The following PPDPFL variants were observed in gnomAD, a reference collection of about 807,000 sequenced individuals.
PPDPFL encodes the protein pancreatic progenitor cell differentiation and proliferation factor-like protein.
Under a neutral mutation model 12.6 loss-of-function variants are expected in PPDPFL, and 12 were observed. That is an observed-to-expected ratio of 0.95 (90% CI 0.61 to 1.54). PPDPFL has a LOEUF of 1.54. Ranked by LOEUF, PPDPFL falls within the 40% of genes most tolerant of loss-of-function variation. The pLI, the probability that PPDPFL is intolerant of heterozygous loss-of-function variation, is 0.00. For synonymous variants in PPDPFL, 24 were observed against 32.7 expected (o/e 0.73, Z 0.91); for missense variants, 114 against 96.0 (o/e 1.19, Z -0.78).
At chr8:49,067,679 G>C (rs1043634970), upstream of PPDPFL, among the ~76,000 whole-genome samples, 1 of 152,220 alleles carries the variant, frequency 6.6e-6, no homozygotes, top group Non-Finnish European at 1.5e-5. Flanking sequence ...TATCTTACAT[G>C]TGATAAACAG....
At chr8:49,069,201 T>C (rs1808343557), upstream of PPDPFL, among the ~76,000 whole-genome samples, 1 of 152,090 alleles carries the variant, frequency 6.6e-6, no homozygotes, top group Admixed American at 6.5e-5. Context: ...TCAAAATTCA[T>C]AAAACAAAAA....
intron 1 of PPDPFL, among the ~76,000 whole-genome samples, chr8:49,062,985 C>T (rs954238762): frequency 6.6e-6 from 1 of 152,160 alleles, no homozygotes; most frequent in Non-Finnish European, 1.5e-5. Flanking sequence ...AATCATTACC[C>T]TAGTTCTTCC....
chr8:49,064,917 G>T (rs1312891732), intron 1 of PPDPFL, among the ~76,000 whole-genome samples: 1 of 152,144 alleles, frequency 6.6e-6, no homozygotes, highest in Admixed American at 6.6e-5. Context: ...TAATTCTTTG[G>T]TCTTACTGAT....
chr8:49,074,699 T>C, intron 4 of PPDPFL: 4 of 1,477,428 alleles, frequency 2.7e-6, no homozygotes, highest in Admixed American at 2.3e-5. Flanking sequence ...TAAATAACCT[T>C]AGGATAACAC....
At chr8:49,069,218 T>A (rs1295309206), upstream of PPDPFL, among the ~76,000 whole-genome samples, 2 of 152,156 alleles carry the variant, frequency 1.3e-5, no homozygotes. Flanking sequence ...AAAATCAATA[T>A]AATTAGATGA....
intron 4 of PPDPFL, 27 bp from the exon 5 acceptor site, chr8:49,075,125 T>C (rs952182644): frequency 1.2e-6 from 2 of 1,611,596 alleles, no homozygotes; most frequent in Non-Finnish European, 1.7e-6. Flanking sequence ...TATCCCCTCC[T>C]CTCTGACTAC....
At chr8:49,060,533 G>A (rs573510170) in intron 1 of PPDPFL, among the ~76,000 whole-genome samples, 12 of 152,010 alleles carry the variant, frequency 7.9e-5, no homozygotes, top group African/African-American at 1.4e-4. Flanking sequence ...GGCTGGTCTC[G>A]AACTCCTGAC....
upstream of PPDPFL, among the ~76,000 whole-genome samples, chr8:49,069,497 G>T (rs564717196): frequency 1.2e-4 from 18 of 152,298 alleles, no homozygotes; most frequent in Admixed American, 2.0e-4. Context: ...ATAGCTGCTG[G>T]CAAGGTTGCA....
chr8:49,062,906 T>A (rs1347210427), intron 1 of PPDPFL, among the ~76,000 whole-genome samples: 1 of 152,154 alleles, frequency 6.6e-6, no homozygotes. Flanking sequence ...GACCCAGAAT[T>A]TACGGAGTGA....
At chr8:49,061,427 C>T (rs989413009) in intron 1 of PPDPFL, among the ~76,000 whole-genome samples, 2 of 152,068 alleles carry the variant, frequency 1.3e-5, no homozygotes. Context: ...TTGTTTAAGT[C>T]CCCCACAGTT....
intron 1 of PPDPFL, among the ~76,000 whole-genome samples, chr8:49,058,496 T>G (rs1188248940): frequency 6.6e-6 from 1 of 152,238 alleles, no homozygotes; most frequent in Non-Finnish European, 1.5e-5. Context: ...AGATATTTAA[T>G]CAATCTTGCT....
At chr8:49,072,026 G>T (rs1808399956), upstream of PPDPFL, among the ~76,000 whole-genome samples, 1 of 152,236 alleles carries the variant, frequency 6.6e-6, no homozygotes, top group Admixed American at 6.5e-5. Flanking sequence ...TGGTGCTGCA[G>T]GTGGAGTGTG....
At position 49,054,371 on chromosome 8, in the gene PPDPFL, T is replaced by A. The variant is rs554259580; in HGVS notation, c.-45+2T>A. The A allele has an allele frequency of 6.6e-5, 10 of 152,302 alleles. No individual in the cohort carries two copies. The East Asian group carries it at 1.5e-3, about 24-fold the overall frequency. The allele number at this position is 152,302 out of a possible 1,614,324, so 9.4% of individuals were successfully genotyped here. ...TGATTCACTTCTACTTAAGGCATAG[T>A]AAATATATTTTCTCTTCCTTATGAT... On this transcript the variant is annotated splice_donor_variant, in intron 1 of 4. Transcript: ENST00000517663. LOFTEE classifies it low-confidence loss of function (5UTR_SPLICE).
In PPDPFL at chr8:49,075,426, T is replaced by G; in HGVS notation, c.*253T>G. The stretch of plus-strand genomic sequence containing the variant: ...TATAAAAAAAGTTTAGGCATTTTTC[T>G]CAACACAAAGACTATCGCTGGAAGT... On this transcript the variant is annotated 3_prime_UTR_variant, in exon 5 of 5. Coordinates refer to ENST00000522267, the MANE Select transcript of PPDPFL (RefSeq NM_001256597.2). 1.4e-6 allele frequency: 1 copy of G among 718,094 alleles called. No individual in the cohort carries two copies. The allele number at this position is 718,094 out of a possible 1,614,324, so 44.5% of individuals were successfully genotyped here.
Position 49,076,046 on chromosome 8 carries a change from A to C in PPDPFL, c.*873A>C, listed in dbSNP as rs1013504048. On this transcript the variant is annotated 3_prime_UTR_variant, in exon 5 of 5. Coordinates refer to ENST00000522267, the MANE Select transcript of PPDPFL (RefSeq NM_001256597.2). ...TATCTCCCAATTTTTCTAATATGAC[A>C]AGTATTGTGCGTAATTAGAAAATAA... is the stretch of plus-strand genomic sequence containing the variant. 1 of 152,150 alleles carries C rather than the reference A, an allele frequency of 6.6e-6. No homozygotes were observed. The highest frequency in any genetic ancestry group is 2.4e-5 in the African/African-American group (1 of 41,432). 9.4% of individuals were successfully genotyped at this position (152,150 alleles called of 1,614,324 possible). A position where few individuals can be genotyped will look rare whatever the true frequency, so the allele number is the denominator to read the frequency against.
chr8:49,065,497 A>G (rs980350842), intron 1 of PPDPFL, among the ~76,000 whole-genome samples: 1 of 152,216 alleles, frequency 6.6e-6, no homozygotes, highest in African/African-American at 2.4e-5. Flanking sequence ...ACTGATATTA[A>G]TTTGGTTTTT....
At chr8:49,069,392 T>C (rs1051023638), upstream of PPDPFL, among the ~76,000 whole-genome samples, 3 of 152,188 alleles carry the variant, frequency 2.0e-5, no homozygotes, top group Admixed American at 2.0e-4. Context: ...GCCACTTCCA[T>C]AGACTACTTC....
At chr8:49,058,442 A>G (rs1224676565) in intron 1 of PPDPFL, among the ~76,000 whole-genome samples, 1 of 152,240 alleles carries the variant, frequency 6.6e-6, no homozygotes, top group Non-Finnish European at 1.5e-5. Context: ...GAATCAATGC[A>G]TGTGCCATCT....
At chr8:49,066,588 C>T (rs914542241) in intron 1 of PPDPFL, among the ~76,000 whole-genome samples, 7 of 152,146 alleles carry the variant, frequency 4.6e-5, no homozygotes, top group Admixed American at 3.9e-4. Context: ...AGAGAGGGCA[C>T]TCTGAGCCCC....
Sources: gnomAD v4.1 joint callset for allele counts (sites outside exome capture counted in the v4.1 genomes callset) on GRCh38, gnomAD v4.1.1 for gene constraint, MANE v1.5 for transcripts, NCBI Gene and HGNC (gene_info 2026-07-23, HGNC 2026-07-21) for gene names.